Variants in NEK1 observed in about 807,000 individuals in gnomAD.
NEK1 encodes NIMA related kinase 1, also known as serine/threonine-protein kinase Nek1.
Under a neutral mutation model 182.1 loss-of-function variants are expected in NEK1, and 137 were observed. That is an observed-to-expected ratio of 0.75 (90% CI 0.65 to 0.87). The LOEUF (loss-of-function observed/expected upper bound fraction) is 0.87, where lower values mean the gene tolerates loss of function less well. NEK1 is among the 40% of genes least tolerant of loss of function. NEK1 has a pLI of 0.00. For missense variants in NEK1, 1,391 were observed against 1,494.4 expected, an observed-to-expected ratio of 0.93 and a Z score of 1.14; for synonymous variants, 513 against 492.2, an observed-to-expected ratio of 1.04 and a Z score of -0.56.
At position 169,561,861 on chromosome 4, in the gene NEK1, T is replaced by A. The variant is rs2149945943; in HGVS notation, c.1111A>T (p.Ile371Phe). ...TCCTTTTGTTTCTTTTCTTTTTCAA[T>A]AAATTCCAGCCTTCTCTTTCTTGCT... ...EAARKRRLEF[I>F]EKEKKQKDQI... The change falls in exon 14 of 36, where the codon ATT (isoleucine) becomes TTT (phenylalanine). Residue 371 changes from isoleucine (I) to phenylalanine (F), a missense_variant. Ile to Phe is a conservative substitution (Grantham distance 21, BLOSUM62 0). Transcript: ENST00000507142. 1 of 1,610,072 alleles carries A rather than the reference T, an allele frequency of 6.2e-7. No homozygotes were observed. Among genetic ancestry groups the A allele is most frequent in the East Asian group, 2.2e-5 (1 of 44,738 alleles).
chr4:169,529,864 A>G (rs977312906), intron 19 of NEK1, among the ~76,000 whole-genome samples: 37 of 152,188 alleles, frequency 2.4e-4, no homozygotes, highest in Non-Finnish European at 7.4e-5. Flanking sequence ...ATTCCTATAC[A>G]TGGTTTAGAT....
chr4:169,416,855 T>C (rs1734628326), intron 31 of NEK1, among the ~76,000 whole-genome samples: 1 of 152,146 alleles, frequency 6.6e-6, no homozygotes, highest in African/African-American at 2.4e-5. Flanking sequence ...CAGTGAGCCG[T>C]GATTGCACCA....
At chr4:169,425,809 C>T (rs1579505546) in intron 30 of NEK1, among the ~76,000 whole-genome samples, 1 of 152,178 alleles carries the variant, frequency 6.6e-6, no homozygotes, top group Non-Finnish European at 1.5e-5. Context: ...TAAGCCATTA[C>T]ACCCAGCCTA....
At chr4:169,401,468 T>C (rs1230037364) in intron 33 of NEK1, among the ~76,000 whole-genome samples, 184 bp downstream of exon 33, 1 of 151,386 alleles carries the variant, frequency 6.6e-6, no homozygotes, top group African/African-American at 2.4e-5. Flanking sequence ...AAAACTTTAA[T>C]AAAAAATGGA....
At chr4:169,591,055 A>G (rs1426082679) in intron 5 of NEK1, among the ~76,000 whole-genome samples, 1 of 152,116 alleles carries the variant, frequency 6.6e-6, no homozygotes, top group African/African-American at 2.4e-5. Context: ...AAGTAACTTT[A>G]TGAGTGAAAA....
At chr4:169,532,297 A>G (rs1345348996) in intron 19 of NEK1, among the ~76,000 whole-genome samples, 3 of 152,220 alleles carry the variant, frequency 2.0e-5, no homozygotes, top group Non-Finnish European at 4.4e-5. Flanking sequence ...AGCCTGGGTT[A>G]CTATGTTCTA....
intron 23 of NEK1, among the ~76,000 whole-genome samples, chr4:169,495,919 G>A (rs1343046125): frequency 1.3e-5 from 2 of 152,134 alleles, no homozygotes; most frequent in Non-Finnish European, 2.9e-5. Flanking sequence ...CTTTAAAGTA[G>A]TTTTTTCCAA....
At chr4:169,505,080 C>T (rs967205120) in intron 23 of NEK1, among the ~76,000 whole-genome samples, 4 of 151,792 alleles carry the variant, frequency 2.6e-5, no homozygotes, top group Non-Finnish European at 4.4e-5. Flanking sequence ...GGGGAAACAG[C>T]GTAAGAAAAA....
Position 169,561,463 on chromosome 4 carries a change from T to C in NEK1, c.1266+17A>G. On this transcript the variant is annotated intron_variant, in intron 16 of 35. Transcript: ENST00000507142. ...GGGGAAAATGGTAGTATAACCATATTGGTATAAAATGCCTACCTTTACTTC... is the reference window on the plus strand; with the variant it reads ...GGGGAAAATGGTAGTATAACCATATCGGTATAAAATGCCTACCTTTACTTC... 4 of 1,607,550 alleles carry C rather than the reference T, an allele frequency of 2.5e-6. No individual in the cohort carries two copies. Among genetic ancestry groups the C allele is most frequent in the Non-Finnish European group, 3.4e-6 (4 of 1,174,132 alleles).
intron 31 of NEK1, among the ~76,000 whole-genome samples, chr4:169,408,907 A>C (rs187183966): frequency 6.6e-6 from 1 of 152,208 alleles, no homozygotes; most frequent in Non-Finnish European, 1.5e-5. Context: ...TATCTTTGCA[A>C]TTGCAAATTG....
chr4:169,587,843 T>A (rs1001526712), intron 8 of NEK1, among the ~76,000 whole-genome samples: 5 of 152,046 alleles, frequency 3.3e-5, no homozygotes, highest in Non-Finnish European at 7.4e-5. Flanking sequence ...AAATTTAATA[T>A]TTAAAAGAAC....
chr4:169,545,766 C>T (rs1760315710), intron 18 of NEK1, among the ~76,000 whole-genome samples: 1 of 152,036 alleles, frequency 6.6e-6, no homozygotes, highest in Non-Finnish European at 1.5e-5. Flanking sequence ...GATAATATCT[C>T]ATAGTGGTTT....
chr4:169,448,992 T>A (rs188812562), intron 27 of NEK1, among the ~76,000 whole-genome samples: 2 of 152,334 alleles, frequency 1.3e-5, no homozygotes, highest in East Asian at 3.9e-4. Flanking sequence ...ACCGGCAGAC[T>A]AGGTGATTCT....
rs146399114 is a variant in NEK1, at chr4:169,462,101, A to G, written c.2587+1142T>C. Among the ~76,000 whole-genome samples, 110 of 152,254 alleles carry G rather than the reference A, an allele frequency of 7.2e-4. No individual in the cohort carries two copies. In the East Asian group the frequency reaches 0.019, roughly 26 times the overall value. On this transcript the variant is annotated intron_variant, in intron 27 of 35. Transcript: ENST00000507142. The stretch of plus-strand genomic sequence containing the variant: ...ATCAGAATCTAATATTTTAAAAGTA[A>G]TAGTGTTAATGAGCATCAGCATATT...
At chr4:169,417,595 T>A (rs1216769849) in intron 31 of NEK1, among the ~76,000 whole-genome samples, 1 of 152,064 alleles carries the variant, frequency 6.6e-6, no homozygotes, top group Non-Finnish European at 1.5e-5. Context: ...AGCCTTGGGG[T>A]CAGATTACTT....
chr4:169,423,980 G>T (rs1470877781), intron 31 of NEK1, among the ~76,000 whole-genome samples: 1 of 151,992 alleles, frequency 6.6e-6, no homozygotes, highest in Non-Finnish European at 1.5e-5. Flanking sequence ...TCTTATTTTG[G>T]TAAAAAGTTA....
chr4:169,597,899 A>G (rs1193271785), intron 5 of NEK1, among the ~76,000 whole-genome samples: 1 of 152,092 alleles, frequency 6.6e-6, no homozygotes, highest in Non-Finnish European at 1.5e-5. Context: ...GTGCCACTCC[A>G]CTCGAGCCTG....
At chr4:169,447,756 C>A (rs1038159815) in intron 27 of NEK1, among the ~76,000 whole-genome samples, 1 of 152,092 alleles carries the variant, frequency 6.6e-6, no homozygotes, top group Non-Finnish European at 1.5e-5. Context: ...GTGATCCAGA[C>A]TAGTCGGGAG....
chr4:169,436,041 T>A (rs542532772), intron 28 of NEK1, among the ~76,000 whole-genome samples: 3 of 152,154 alleles, frequency 2.0e-5, no homozygotes, highest in Non-Finnish European at 4.4e-5. Flanking sequence ...GCAGCTGGGA[T>A]TACAGGCATG....
Sources: allele counts gnomAD v4.1 joint callset (sites outside exome capture counted in the v4.1 genomes callset), GRCh38; gene constraint gnomAD v4.1.1; transcripts MANE v1.5; gene names NCBI Gene and HGNC (gene_info 2026-07-23, HGNC 2026-07-21).